The following RHEBL1 variants were observed in gnomAD, a reference collection of about 807,000 sequenced individuals.
RHEBL1 encodes the protein GTPase RhebL1.
Under a neutral mutation model 27.4 loss-of-function variants are expected in RHEBL1, and 22 were observed. The observed-to-expected ratio is 0.80, with a 90% CI of 0.57 to 1.15. RHEBL1 has a LOEUF of 1.15. RHEBL1 is among the 50% of genes most tolerant of loss of function. RHEBL1 has a pLI of 0.00. For synonymous variants in RHEBL1, 85 were observed against 80.8 expected (o/e 1.05, Z -0.28); for missense variants, 186 against 226.5 (o/e 0.82, Z 1.15).
intron 1 of RHEBL1, among the ~76,000 whole-genome samples, chr12:49,069,491 C>A (rs1295404691): frequency 3.1e-5 from 4 of 128,372 alleles, no homozygotes; most frequent in Non-Finnish European, 7.3e-5. Flanking sequence ...AACGCTGGGA[C>A]CACTCTGAGA....
At position 49,069,781 on chromosome 12, in the gene RHEBL1, G is replaced by A. The variant is rs746470038; in HGVS notation, c.5C>T (p.Pro2Leu). The change falls in exon 1 of 8, where the codon CCG (proline) becomes CTG (leucine). Residue 2 changes from proline (P) to leucine (L), a missense_variant. Physicochemically the swap from Pro to Leu is moderately conservative, Grantham distance 98. Coordinates refer to ENST00000301068, the MANE Select transcript of RHEBL1 (RefSeq NM_144593.3). ...GACCACCTTCCTGTAGCGGACTAGC[G>A]GCATGGCAGGAGCCCGCCCCAGGGG... The part of the protein sequence containing the change: M[P>L]LVRYRKVVIL... 5 of 1,613,668 alleles carry A rather than the reference G, an allele frequency of 3.1e-6. No individual in the cohort carries two copies. The highest frequency in any genetic ancestry group is 2.7e-5 in the African/African-American group (2 of 74,912).
chr12:49,067,766 C>T (rs141990238), intron 2 of RHEBL1, among the ~76,000 whole-genome samples: 2,127 of 151,948 alleles, frequency 0.014, 56 homozygotes, highest in African/African-American at 0.049. Flanking sequence ...GGTGACAGAG[C>T]GAGACTGTCT....
intron 6 of RHEBL1, 42 bp downstream of exon 6, chr12:49,066,189 C>T: frequency 6.5e-7 from 1 of 1,530,634 alleles, no homozygotes; most frequent in Non-Finnish European, 9.1e-7. Flanking sequence ...ATTCCCAGTC[C>T]ATTTCACTTC....
intron 3 of RHEBL1, 104 bp downstream of exon 3, chr12:49,066,864 G>T: frequency 8.9e-7 from 1 of 1,128,102 alleles, no homozygotes; most frequent in Non-Finnish European, 1.4e-6. Flanking sequence ...CTGTTAGCAG[G>T]TAAAATGCTT....
chr12:49,067,083 G>A lies in RHEBL1; in HGVS notation c.125-48C>T, dbSNP rs781208383. On this transcript the variant is annotated intron_variant, in intron 2 of 7. Transcript: ENST00000301068. ...CTGTGAAGTGCCTTATAGGACCAGCGATGTATGTCCCCTGACTTTTTTTTT... is the reference window on the plus strand; with the variant it reads ...CTGTGAAGTGCCTTATAGGACCAGCAATGTATGTCCCCTGACTTTTTTTTT... The A allele has an allele frequency of 1.8e-5, 22 of 1,218,176 alleles. No homozygotes were observed. The East Asian group carries it at 2.1e-4, about 12-fold the overall frequency. The allele number at this position is 1,218,176 out of a possible 1,614,324, so 75.5% of individuals were successfully genotyped here.
chr12:49,067,137 C>G, intron 2 of RHEBL1, 102 bp from the exon 3 acceptor site: 1 of 743,484 alleles, frequency 1.3e-6, no homozygotes. Context: ...GAGTCTCACT[C>G]TATTGTCCAG....
chr12:49,067,461 T>C (rs1486470650), intron 2 of RHEBL1, among the ~76,000 whole-genome samples: 1 of 151,898 alleles, frequency 6.6e-6, no homozygotes, highest in Non-Finnish European at 1.5e-5. Context: ...TTACCTTTTT[T>C]TTTTTTTTTG....
At position 49,069,744 on chromosome 12, in the gene RHEBL1, G is replaced by A. The variant is rs144842626; in HGVS notation, c.42C>T (p.Tyr14=). The change falls in exon 1 of 8, where the codon TAC becomes TAT. Residue 14 remains tyrosine (Y), a synonymous_variant. Coordinates refer to ENST00000301068, the MANE Select transcript of RHEBL1 (RefSeq NM_144593.3). ...AGGGCGGAGACTCACCTACACAGCG[G>A]TATCCGAGGATGACCACCTTCCTGT... ...VRYRKVVILG[Y]RCVGKTSLAH... 156 of 1,613,736 alleles carry A rather than the reference G, an allele frequency of 9.7e-5. No individual in the cohort carries two copies. Among genetic ancestry groups the A allele is most frequent in the Non-Finnish European group, 1.6e-5 (19 of 1,179,924 alleles).
Position 49,069,117 on chromosome 12 carries a change from C to T in RHEBL1, c.53-11G>A. The T allele has an allele frequency of 1.2e-6, 2 of 1,614,032 alleles. No individual in the cohort carries two copies. The highest frequency in any genetic ancestry group is 1.7e-6 in the Non-Finnish European group (2 of 1,179,932). On this transcript the variant is annotated splice_polypyrimidine_tract_variant and intron_variant, in intron 1 of 7. Coordinates refer to ENST00000301068, the MANE Select transcript of RHEBL1 (RefSeq NM_144593.3). ...CCAAAGATGTCTTCCCTGTGGGGAG[C>T]AGTGTGACAGTTGTATCCAAATCAT... is the stretch of plus-strand genomic sequence containing the variant.
intron 2 of RHEBL1, 42 bp downstream of exon 2, chr12:49,068,993 G>A (rs1405906281): frequency 1.9e-6 from 3 of 1,578,478 alleles, no homozygotes; most frequent in Middle Eastern, 1.8e-4. Context: ...CAAGCCCTCC[G>A]GGTCGCATAC....
At chr12:49,065,528 G>T in intron 6 of RHEBL1, 97 bp from the exon 7 acceptor site, 1 of 984,194 alleles carries the variant, frequency 1.0e-6, no homozygotes, top group Non-Finnish European at 1.6e-6. Context: ...AGGCACAGTG[G>T]CTCATGCCTG....
chr12:49,065,218 A>C (rs1465890428), intron 7 of RHEBL1, 26 bp from the exon 8 acceptor site: 1 of 1,598,636 alleles, frequency 6.3e-7, no homozygotes, highest in Non-Finnish European at 8.6e-7. Context: ...ATTCAGGGCA[A>C]AAGTCAGTTC....
In RHEBL1 at chr12:49,067,094, CCT is replaced by C. The variant is rs989287569; in HGVS notation, c.125-61_125-60del. On this transcript the variant is annotated intron_variant, in intron 2 of 7. Coordinates refer to ENST00000301068, the MANE Select transcript of RHEBL1 (RefSeq NM_144593.3). ...CTTATAGGACCAGCGATGTATGTCC[CCT>C]GACTTTTTTTTTTTTTTTTTTTTGA... The C allele has an allele frequency of 5.4e-6, 6 of 1,110,084 alleles. No individual in the cohort carries two copies. In the Admixed American group the frequency reaches 9.2e-5, roughly 17 times the overall value. 68.8% of individuals were successfully genotyped at this position (1,110,084 alleles called of 1,614,324 possible).
intron 2 of RHEBL1, 122 bp from the exon 3 acceptor site, chr12:49,067,157 C>A: frequency 1.5e-6 from 1 of 649,538 alleles, no homozygotes; most frequent in East Asian, 2.8e-5. Context: ...GGCTGGGCTG[C>A]AGTGGCATGA....
rs761823249 is a variant in RHEBL1 at position 49,065,134 on chromosome 12, T to G, written c.521A>C (p.Tyr174Ser). 1.2e-6 allele frequency: 2 copies of G among 1,614,076 alleles called. No homozygotes were observed. Among genetic ancestry groups the G allele is most frequent in the Non-Finnish European group, 1.7e-6 (2 of 1,179,938 alleles). ...GAGATGGCAGCGACGCTCTTGCCCA[T>G]AGGAATTCTCCACACGGGCAATCTC... ...IQEIARVENS[Y>S]GQERRCHLM The change falls in exon 8 of 8, where the codon TAT becomes TCT. Residue 174 changes from tyrosine to serine, a missense_variant. By Grantham distance (144) the Tyr-to-Ser change is moderately radical (BLOSUM62 -2). Transcript: ENST00000301068.
chr12:49,065,045 A>G lies in RHEBL1; in HGVS notation c.*58T>C. 7.9e-7 allele frequency: 1 copy of G among 1,272,252 alleles called. No homozygotes were observed. Among genetic ancestry groups the G allele is most frequent in the Admixed American group, 1.7e-5 (1 of 59,482 alleles). The allele number at this position is 1,272,252 out of a possible 1,614,324, so 78.8% of individuals were successfully genotyped here. On this transcript the variant is annotated 3_prime_UTR_variant, in exon 8 of 8. Transcript: ENST00000301068. ...GTGAAGTCCTGAGGATCTGCCCCCC[A>G]CTGGAACATGGCAAGTGCCGGGGGC...
chr12:49,066,739 A>T (rs776884746), intron 3 of RHEBL1, 38 bp from the exon 4 acceptor site: 12 of 1,579,956 alleles, frequency 7.6e-6, no homozygotes, highest in Non-Finnish European at 1.0e-5. Flanking sequence ...CTAGATCCAA[A>T]CCACTAAGAT....
rs1471353388 is a variant in RHEBL1 at position 49,065,421 on chromosome 12, C to G, written c.391G>C (p.Ala131Pro). 4 of 1,613,978 alleles carry G rather than the reference C, an allele frequency of 2.5e-6. No homozygotes were observed. In the Admixed American group the frequency reaches 6.7e-5, roughly 27 times the overall value. The stretch of plus-strand genomic sequence containing the variant: ...TCTGCCAGCTTCTTTCCTTCAACTG[C>G]CTGTACCTCTCTGGAAGCAAATTTG... ...ADLSPEREVQ[A>P]VEGKKLAESW... The change falls in exon 7 of 8, where the codon GCA (alanine) becomes CCA (proline). Residue 131 changes from alanine (A) to proline (P), a missense_variant. Ala to Pro is a conservative substitution (Grantham distance 27). Coordinates refer to ENST00000301068, the MANE Select transcript of RHEBL1 (RefSeq NM_144593.3).
At chr12:49,069,224 G>A in intron 1 of RHEBL1, 118 bp from the exon 2 acceptor site, 2 of 1,564,678 alleles carry the variant, frequency 1.3e-6, no homozygotes, top group Non-Finnish European at 1.7e-6. Flanking sequence ...CAGTCTGTGA[G>A]TGCCTCAAGC....
Sources: gnomAD v4.1 joint callset for allele counts (sites outside exome capture counted in the v4.1 genomes callset) on GRCh38, gnomAD v4.1.1 for gene constraint, MANE v1.5 for transcripts, NCBI Gene and HGNC (gene_info 2026-07-23, HGNC 2026-07-21) for gene names.